Variants in CLEC16A observed in about 807,000 individuals in gnomAD.
CLEC16A encodes protein CLEC16A.
CLEC16A carries 51 observed loss-of-function variants against 109.5 expected under a neutral mutation model. The ratio of observed to expected loss-of-function variants is 0.47; its 90% CI spans 0.37 to 0.59. The LOEUF (loss-of-function observed/expected upper bound fraction) is 0.59. Ranked by LOEUF, CLEC16A falls within the 20% of genes least tolerant of loss-of-function variation. CLEC16A has a pLI of 0.00. For missense variants in CLEC16A, 1,339 were observed against 1,394.0 expected, an observed-to-expected ratio of 0.96 and a Z score of 0.63; for synonymous variants, 673 against 564.2, an observed-to-expected ratio of 1.19 and a Z score of -2.73.
intron 22 of CLEC16A, among the ~76,000 whole-genome samples, chr16:11,138,777 C>G (rs2053687877): frequency 6.6e-6 from 1 of 152,188 alleles, no homozygotes; most frequent in South Asian, 2.1e-4. Context: ...CACCCTCATT[C>G]GATTTTGACT....
In CLEC16A at chr16:10,961,537, T is replaced by A. The variant is rs2042248321; in HGVS notation, c.210-918T>A. 6.6e-6 allele frequency among the ~76,000 whole-genome samples: 1 copy of A among 152,192 alleles called. No homozygotes were observed. Among genetic ancestry groups the A allele is most frequent in the African/African-American group, 2.4e-5 (1 of 41,444 alleles). ...TCTTCCTTTAGAGAAAGGCACTGGA[T>A]GGTCTGTTTCCTTTTCAAGACTGAA... On this transcript the variant is annotated intron_variant, in intron 2 of 23. Transcript: ENST00000409790. This position sits in a 1 kb window ranked among gnomAD's most constrained non-coding sequence, Gnocchi z 4.3.
At chr16:11,022,509 G>GC (rs908737946) in intron 12 of CLEC16A, among the ~76,000 whole-genome samples, 1 of 151,892 alleles carries the variant, frequency 6.6e-6, no homozygotes, top group African/African-American at 2.4e-5. Flanking sequence ...TTGGATCTTG[G>GC]CGTTGGTCCA....
At chr16:11,092,733 C>G (rs1258507891) in intron 19 of CLEC16A, among the ~76,000 whole-genome samples, 2 of 152,214 alleles carry the variant, frequency 1.3e-5, no homozygotes, top group South Asian at 2.1e-4. Flanking sequence ...GAGTCAGAAT[C>G]TATCAGGGTT....
In CLEC16A at chr16:11,003,224, G is replaced by A. The variant is rs201942249; in HGVS notation, c.1222G>A (p.Glu408Lys). 17 of 1,613,452 alleles carry A rather than the reference G, an allele frequency of 1.1e-5. No individual in the cohort carries two copies. Among genetic ancestry groups the A allele is most frequent in the South Asian group, 6.6e-5 (6 of 91,034 alleles). The change falls in exon 11 of 24, where the codon GAG becomes AAG. Residue 408 changes from glutamate (E) to lysine (K), a missense_variant. Transcript: ENST00000409790. ...EEEDEEKGPT[E>K]DAQEDAEKAK... Reference sequence around the variant, plus strand: ...AGAAGATGAGGAGAAAGGGCCCACCGAGGATGCCCAAGAAGACGCCGAGAA... The same window carrying A: ...AGAAGATGAGGAGAAAGGGCCCACCAAGGATGCCCAAGAAGACGCCGAGAA...
intron 13 of CLEC16A, among the ~76,000 whole-genome samples, chr16:11,032,584 A>C (rs1284490396): frequency 6.6e-6 from 1 of 152,218 alleles, no homozygotes; most frequent in Non-Finnish European, 1.5e-5. Flanking sequence ...GGAAATGAAC[A>C]GGGTGGAGTG....
At position 11,114,076 on chromosome 16, in the gene CLEC16A, A is replaced by G. The variant is rs536003234; in HGVS notation, c.2117-6539A>G. 5.3e-5 allele frequency among the ~76,000 whole-genome samples: 8 copies of G among 150,922 alleles called. No homozygotes were observed. The East Asian group carries it at 1.2e-3, about 22-fold the overall frequency. On this transcript the variant is annotated intron_variant, in intron 19 of 23. Transcript: ENST00000409790. Reference sequence around the variant, plus strand: ...AGACATGTTTATTCTTGCCAATCCTATGGGCAGAAGATGGTATTTTGAGTT... The same window carrying G: ...AGACATGTTTATTCTTGCCAATCCTGTGGGCAGAAGATGGTATTTTGAGTT...
chr16:10,963,727 G>A (rs2042366140), intron 3 of CLEC16A, among the ~76,000 whole-genome samples: 1 of 152,156 alleles, frequency 6.6e-6, no homozygotes. Flanking sequence ...TAACACCCAG[G>A]CGCCAGCTCT....
At chr16:10,998,077 A>C (rs939168576) in intron 10 of CLEC16A, among the ~76,000 whole-genome samples, 13 of 152,112 alleles carry the variant, frequency 8.5e-5, no homozygotes, top group Admixed American at 7.2e-4. Flanking sequence ...CAGTTTCTGC[A>C]CACAGATTCC....
At chr16:11,024,748 T>C in intron 12 of CLEC16A, 73 bp from the exon 13 acceptor site, 1 of 1,165,744 alleles carries the variant, frequency 8.6e-7, no homozygotes, top group Non-Finnish European at 1.2e-6. Context: ...TAGCACCCCA[T>C]GTGCAGGTTA....
At chr16:11,136,282 C>A (rs1024398707) in intron 22 of CLEC16A, 3 of 152,226 alleles carry the variant, frequency 2.0e-5, no homozygotes, top group African/African-American at 7.2e-5. Context: ...GAACTGTACT[C>A]TTACTAATGG....
chr16:10,988,179 T>G (rs1326328104), intron 10 of CLEC16A, among the ~76,000 whole-genome samples: 3 of 152,248 alleles, frequency 2.0e-5, no homozygotes, highest in Non-Finnish European at 4.4e-5. Flanking sequence ...ACATATAGAT[T>G]AGAATTTGGG....
Position 11,119,964 on chromosome 16 carries a change from G to GTTT in CLEC16A, c.2117-650_2117-649insTTT, listed in dbSNP as rs542288812. ...TTGTTTTGTTGTTTTGTTTTGTGTTGTGTTGTTTTGTTTTGTTTTGTTTGA... is the reference window on the plus strand; with the variant it reads ...TTGTTTTGTTGTTTTGTTTTGTGTTGTTTTGTTGTTTTGTTTTGTTTTGTTTGA... On this transcript the variant is annotated intron_variant, in intron 19 of 23. Coordinates refer to ENST00000409790, the MANE Select transcript of CLEC16A (RefSeq NM_015226.3). 6.5e-3 allele frequency among the ~76,000 whole-genome samples: 846 copies of GTTT among 130,796 alleles called. 12 individuals carry two copies. The highest frequency in any genetic ancestry group is 0.025 in the African/African-American group (801 of 31,818). 85.8% of individuals were successfully genotyped at this position (130,796 alleles called of 152,430 possible).
At chr16:11,051,252 C>T (rs975653341) in intron 17 of CLEC16A, among the ~76,000 whole-genome samples, 10 of 152,342 alleles carry the variant, frequency 6.6e-5, no homozygotes, top group Non-Finnish European at 8.8e-5. Context: ...GCAAGCTTTT[C>T]ACAGCAAGGA....
intron 1 of CLEC16A, among the ~76,000 whole-genome samples, chr16:10,956,357 G>C (rs1209927653): frequency 6.6e-6 from 1 of 152,112 alleles, no homozygotes; most frequent in Non-Finnish European, 1.5e-5. Flanking sequence ...TCCTCTTTAT[G>C]TCTTACCCGT....
chr16:10,967,613 T>C (rs774318383), intron 3 of CLEC16A, among the ~76,000 whole-genome samples: 6 of 152,152 alleles, frequency 3.9e-5, no homozygotes, highest in Non-Finnish European at 7.4e-5. Flanking sequence ...AGTGCTTGCA[T>C]TGCGGCCCAT....
intron 10 of CLEC16A, among the ~76,000 whole-genome samples, chr16:10,996,236 A>G (rs532576385): frequency 1.3e-5 from 2 of 152,210 alleles, no homozygotes; most frequent in Non-Finnish European, 2.9e-5. Flanking sequence ...GAGCCTGAAG[A>G]ACCCCTTTGT....
chr16:11,142,897 G>GC, intron 22 of CLEC16A, among the ~76,000 whole-genome samples: 1 of 152,198 alleles, frequency 6.6e-6, no homozygotes, highest in South Asian at 2.1e-4. Context: ...TGCAACCTCC[G>GC]CCCCCCTGGT....
At chr16:11,039,899 G>T in intron 14 of CLEC16A, 23 bp downstream of exon 14, 1 of 1,609,638 alleles carries the variant, frequency 6.2e-7, no homozygotes, top group Middle Eastern at 1.7e-4. Context: ...GGTGTTGTCT[G>T]TCCACAGGGC....
At chr16:11,022,542 T>TA (rs898878616) in intron 12 of CLEC16A, among the ~76,000 whole-genome samples, 1 of 151,868 alleles carries the variant, frequency 6.6e-6, no homozygotes, top group East Asian at 1.9e-4. Flanking sequence ...AACAGCAAGG[T>TA]AAAAAACAGA....
Sources: gnomAD v4.1 joint callset for allele counts (sites outside exome capture counted in the v4.1 genomes callset) on GRCh38, gnomAD v4.1.1 for gene constraint, Gnocchi (gnomAD v3.1) non-coding constraint, MANE v1.5 for transcripts, NCBI Gene and HGNC (gene_info 2026-07-23, HGNC 2026-07-21) for gene names.